LMNA: variants seen among roughly 807,000 people sequenced by gnomAD.
LMNA encodes the protein lamin A/C.
Under a neutral mutation model 70.4 loss-of-function variants are expected in LMNA, and 20 were observed. The observed-to-expected ratio is 0.28, with a 90% CI of 0.20 to 0.41. The LOEUF (loss-of-function observed/expected upper bound fraction) is 0.41, where lower values mean the gene tolerates loss of function less well. Ranked by LOEUF, LMNA falls within the 10% of genes least tolerant of loss-of-function variation. The pLI is 1.00. For synonymous variants in LMNA, 339 were observed against 372.8 expected (o/e 0.91, Z 1.04); for missense variants, 652 against 917.2 (o/e 0.71, Z 3.73).
At chr1:156,094,149 T>C (rs1279707321) in intron 3 of LMNA, among the ~76,000 whole-genome samples, 2 of 152,204 alleles carry the variant, frequency 1.3e-5, no homozygotes, top group Non-Finnish European at 2.9e-5. Flanking sequence ...TCCCTAAGCA[T>C]GCATACACCT....
At chr1:156,119,933 T>C (rs931775983) in intron 1 of LMNA, among the ~76,000 whole-genome samples, 3 of 152,172 alleles carry the variant, frequency 2.0e-5, no homozygotes. Context: ...ACAGGTAACA[T>C]GCACAAGTAA....
Position 156,136,005 on chromosome 1 carries a change from G to C in LMNA, c.1041G>C (p.Glu347Asp). 3.1e-6 allele frequency: 5 copies of C among 1,614,192 alleles called. No individual in the cohort carries two copies. The highest frequency in any genetic ancestry group is 4.2e-6 in the Non-Finnish European group (5 of 1,180,038). ...LLAEKEREMA[E>D]MRARMQQQLD... ...CGGAAAAGGAGCGGGAGATGGCCGA[G>C]ATGCGGGCAAGGATGCAGCAGCAGC... Residue 347 changes from glutamate to aspartate, a missense_variant, in exon 6 of 12, where the codon GAG becomes GAC. This residue lies in a region of LMNA where 33 missense variants were observed against 75.3 expected (regional missense o/e 0.44). Transcript: ENST00000368300. This position sits in a 1 kb window ranked among gnomAD's most constrained non-coding sequence, Gnocchi z 6.1.
intron 3 of LMNA, among the ~76,000 whole-genome samples, chr1:156,096,574 C>T (rs1464357348): frequency 6.6e-6 from 1 of 152,242 alleles, no homozygotes; most frequent in Non-Finnish European, 1.5e-5. Context: ...TGCTCCCCAG[C>T]GTTTGGAGGC....
rs1651865626 is a variant in LMNA, at chr1:156,138,600, G to A, written c.1811G>A (p.Gly604Glu). ...PADKASASGS[G>E]AQVGGPISSG... ...GACAAGGCATCTGCCAGCGGCTCAG[G>A]AGCCCAGGTGGGCGGACCCATCTCC... The change falls in exon 11 of 12, where the codon GGA becomes GAA. Residue 604 changes from glycine (G) to glutamate (E), a missense_variant. Gly to Glu is a moderately conservative substitution (Grantham distance 98). Transcript: ENST00000368300. This position sits in a 1 kb window ranked among gnomAD's most constrained non-coding sequence, Gnocchi z 5.5. 1 of 1,612,982 alleles carries A rather than the reference G, an allele frequency of 6.2e-7. No individual in the cohort carries two copies. Among genetic ancestry groups the A allele is most frequent in the Non-Finnish European group, 8.5e-7 (1 of 1,179,838 alleles).
At chr1:156,133,607 C>T (rs992492340) in intron 2 of LMNA, among the ~76,000 whole-genome samples, 8 of 151,954 alleles carry the variant, frequency 5.3e-5, no homozygotes, top group South Asian at 2.1e-4. Flanking sequence ...AAAATCTAAG[C>T]GTGGTGCTCC....
intron 3 of LMNA, among the ~76,000 whole-genome samples, chr1:156,095,053 C>G (rs1648881682): frequency 6.6e-6 from 1 of 152,054 alleles, no homozygotes; most frequent in Admixed American, 6.6e-5. Context: ...TCCCAAGTAG[C>G]TGGGACTACA....
At chr1:156,127,673 C>T (rs949927701) in intron 1 of LMNA, among the ~76,000 whole-genome samples, 6 of 148,130 alleles carry the variant, frequency 4.1e-5, no homozygotes, top group African/African-American at 1.0e-4. Flanking sequence ...TGCACACCAC[C>T]GTACCCAGCT....
chr1:156,136,802 G>T lies in LMNA; in HGVS notation c.1381-119G>T. The T allele has an allele frequency of 1.2e-6, 1 of 813,062 alleles. No homozygotes were observed. Among genetic ancestry groups the T allele is most frequent in the Non-Finnish European group, 2.1e-6 (1 of 481,372 alleles). The allele number at this position is 813,062 out of a possible 1,614,324, so 50.4% of individuals were successfully genotyped here. A position where few individuals can be genotyped will look rare whatever the true frequency, so the allele number is the denominator to read the frequency against. On this transcript the variant is annotated intron_variant, in intron 7 of 11. Transcript: ENST00000368300. The surrounding 1 kb of genome is among the most constrained non-coding windows in gnomAD (Gnocchi z 6.1). ...GGGGGAAGGGCAGTGACAGGGGTGT[G>T]TGTAGATGGAAGGAGAGGCCTCAAT...
intron 3 of LMNA, among the ~76,000 whole-genome samples, chr1:156,102,689 G>A (rs1649185565): frequency 6.6e-6 from 1 of 152,162 alleles, no homozygotes; most frequent in South Asian, 2.1e-4. Flanking sequence ...CCTTCATTAA[G>A]CTTTGGTTTC....
rs1553261914 is a variant in LMNA, at chr1:156,115,056, C to T, written c.138C>T (p.Ile46=). 4 of 1,593,852 alleles carry T rather than the reference C, an allele frequency of 2.5e-6. No homozygotes were observed. The highest frequency in any genetic ancestry group is 3.4e-6 in the Non-Finnish European group (4 of 1,170,240). Residue 46 remains isoleucine, a synonymous_variant, in exon 1 of 12, where the codon ATC becomes ATT. Coordinates refer to ENST00000368300, the MANE Select transcript of LMNA (RefSeq NM_170707.4). The surrounding 1 kb of genome is among the most constrained non-coding windows in gnomAD (Gnocchi z 5.8). ...TCAATGATCGCTTGGCGGTCTACAT[C>T]GACCGTGTGCGCTCGCTGGAAACGG... ...QELNDRLAVY[I]DRVRSLETEN...
chr1:156,122,738 A>G (rs982379652), intron 1 of LMNA, among the ~76,000 whole-genome samples: 3 of 152,210 alleles, frequency 2.0e-5, no homozygotes, highest in Admixed American at 1.3e-4. Flanking sequence ...CTGTTACCTT[A>G]GAGCTGGCCA....
chr1:156,125,518 T>G (rs1268542231), intron 1 of LMNA, among the ~76,000 whole-genome samples: 3 of 151,132 alleles, frequency 2.0e-5, no homozygotes, highest in South Asian at 2.1e-4. Context: ...CGAAACCCTA[T>G]CTCTACTAAA....
intron 2 of LMNA, among the ~76,000 whole-genome samples, chr1:156,084,988 G>A (rs1418012916): frequency 1.3e-5 from 2 of 152,180 alleles, no homozygotes; most frequent in African/African-American, 4.8e-5. Flanking sequence ...TGAAAGGTGG[G>A]GTGGGCGAGG....
In LMNA at chr1:156,135,536, T is replaced by A. The variant is rs1410955213; in HGVS notation, c.936+224T>A. ...TCACCTTCACTTCTCAGGGCTTTGG[T>A]TTTCCCATTCGAAAATGGAGGCTGT... is the stretch of plus-strand genomic sequence containing the variant. On this transcript the variant is annotated intron_variant, in intron 5 of 11. Coordinates refer to ENST00000368300, the MANE Select transcript of LMNA (RefSeq NM_170707.4). This position sits in a 1 kb window ranked among gnomAD's most constrained non-coding sequence, Gnocchi z 4.8. 1.6e-5 allele frequency: 10 copies of A among 642,632 alleles called. No individual in the cohort carries two copies. Among genetic ancestry groups the A allele is most frequent in the Non-Finnish European group, 2.7e-5 (10 of 372,642 alleles). The allele number at this position is 642,632 out of a possible 1,614,324, so 39.8% of individuals were successfully genotyped here. A position where few individuals can be genotyped will look rare whatever the true frequency, so the allele number is the denominator to read the frequency against.
chr1:156,137,362 G>C lies in LMNA; in HGVS notation c.1608+130G>C. 1 of 1,251,342 alleles carries C rather than the reference G, an allele frequency of 8.0e-7. No individual in the cohort carries two copies. Among genetic ancestry groups the C allele is most frequent in the Non-Finnish European group, 1.1e-6 (1 of 890,774 alleles). The allele number at this position is 1,251,342 out of a possible 1,614,324, so 77.5% of individuals were successfully genotyped here. ...CTAGAGCTCTCTGTTGCAGGCTCCA[G>C]ACTTCTCCACCCAGTAGGCAAACCA... On this transcript the variant is annotated intron_variant, in intron 9 of 11. Coordinates refer to ENST00000368300, the MANE Select transcript of LMNA (RefSeq NM_170707.4). This position sits in a 1 kb window ranked among gnomAD's most constrained non-coding sequence, Gnocchi z 4.6.
At chr1:156,095,922 G>A (rs1469151997) in intron 3 of LMNA, among the ~76,000 whole-genome samples, 1 of 152,200 alleles carries the variant, frequency 6.6e-6, no homozygotes, top group Non-Finnish European at 1.5e-5. Flanking sequence ...CTACTCAGGG[G>A]TATGGATTGG....
upstream of LMNA, among the ~76,000 whole-genome samples, chr1:156,111,208 G>T (rs930327905): frequency 6.6e-6 from 1 of 151,438 alleles, no homozygotes; most frequent in African/African-American, 2.4e-5. Context: ...CTCACACTTT[G>T]GGAGGCTAAG....
At chr1:156,092,115 G>T (rs757900201) in intron 3 of LMNA, among the ~76,000 whole-genome samples, 9 of 151,732 alleles carry the variant, frequency 5.9e-5, no homozygotes, top group Non-Finnish European at 1.2e-4. Flanking sequence ...ATGGGGTTTC[G>T]CCATCTTGGT....
intron 3 of LMNA, among the ~76,000 whole-genome samples, chr1:156,104,852 C>A (rs892780198): frequency 1.3e-5 from 2 of 152,186 alleles, no homozygotes; most frequent in Non-Finnish European, 2.9e-5. Flanking sequence ...TGCTGGACCC[C>A]ATACTGCACT....
Sources: allele counts gnomAD v4.1 joint callset (sites outside exome capture counted in the v4.1 genomes callset), GRCh38; gene constraint gnomAD v4.1.1; regional missense constraint gnomAD v4.1.1; non-coding constraint Gnocchi (gnomAD v3.1); transcripts MANE v1.5; gene names NCBI Gene and HGNC (gene_info 2026-07-23, HGNC 2026-07-21).